CSMD1: variants seen among roughly 807,000 people sequenced by gnomAD.
The protein encoded by CSMD1 is CUB and Sushi multiple domains 1.
Under a neutral mutation model 417.5 loss-of-function variants are expected in CSMD1, and 213 were observed. The ratio of observed to expected loss-of-function variants is 0.51; its 90% CI spans 0.46 to 0.57. The LOEUF is 0.57. Among genes scored for constraint, CSMD1 ranks in the 20% least tolerant of loss-of-function variants. The pLI, the probability that CSMD1 is intolerant of heterozygous loss-of-function variation, is 0.00. For missense variants in CSMD1, 6,923 were observed against 4,529.7 expected (o/e 1.53, Z -15.17); for synonymous variants, 2,862 against 1,736.8 (o/e 1.65, Z -16.11).
At chr8:3,134,865 T>C (rs1817989948) in intron 41 of CSMD1, among the ~76,000 whole-genome samples, 1 of 152,218 alleles carries the variant, frequency 6.6e-6, no homozygotes, top group Non-Finnish European at 1.5e-5. Context: ...GGAATTTATG[T>C]GGAAATCAGG....
At chr8:4,127,858 A>G (rs1181249939) in intron 3 of CSMD1, among the ~76,000 whole-genome samples, 2 of 152,170 alleles carry the variant, frequency 1.3e-5, no homozygotes, top group Non-Finnish European at 2.9e-5. Flanking sequence ...TTGCAGATGA[A>G]GAAACCCAGA....
chr8:3,263,699 A>G (rs1161066598), intron 26 of CSMD1, among the ~76,000 whole-genome samples: 1 of 152,228 alleles, frequency 6.6e-6, no homozygotes, highest in Admixed American at 6.5e-5. Context: ...TACTGTTCAC[A>G]ATAGTATTTG....
intron 6 of CSMD1, among the ~76,000 whole-genome samples, chr8:3,747,452 T>C (rs1375420816): frequency 6.6e-6 from 1 of 152,130 alleles, no homozygotes; most frequent in Non-Finnish European, 1.5e-5. Flanking sequence ...TGCGAACACA[T>C]AGCTTTGCAA....
At chr8:4,617,597 C>A (rs1471168752) in intron 2 of CSMD1, among the ~76,000 whole-genome samples, 14 of 152,224 alleles carry the variant, frequency 9.2e-5, no homozygotes, top group Admixed American at 3.3e-4. Context: ...ATTTTAGAAG[C>A]ACCTGGTTAT....
chr8:3,118,375 C>A (rs770994127), intron 42 of CSMD1, 24 bp downstream of exon 42: 2 of 1,559,726 alleles, frequency 1.3e-6, no homozygotes, highest in South Asian at 1.1e-5. Flanking sequence ...ATTAAATCGC[C>A]CCCATGCAAA....
chr8:3,955,022 T>C (rs1290640468), intron 5 of CSMD1, among the ~76,000 whole-genome samples: 2 of 152,206 alleles, frequency 1.3e-5, no homozygotes, highest in Non-Finnish European at 2.9e-5. Context: ...GCCTCTCCTT[T>C]GCACTGCTAA....
At chr8:3,774,623 C>T (rs1247597680) in intron 5 of CSMD1, among the ~76,000 whole-genome samples, 1 of 152,168 alleles carries the variant, frequency 6.6e-6, no homozygotes, top group Non-Finnish European at 1.5e-5. Flanking sequence ...TTCAAATTCT[C>T]ACTATCTTTG....
chr8:3,509,792 G>A (rs1796987583), intron 10 of CSMD1, among the ~76,000 whole-genome samples: 1 of 152,114 alleles, frequency 6.6e-6, no homozygotes, highest in African/African-American at 2.4e-5. Flanking sequence ...CTGTCCTGGA[G>A]CACACGTCTG....
At chr8:4,260,787 A>G (rs1803826329) in intron 3 of CSMD1, among the ~76,000 whole-genome samples, 1 of 152,196 alleles carries the variant, frequency 6.6e-6, no homozygotes, top group Non-Finnish European at 1.5e-5. Context: ...CAACTTGAGC[A>G]CTGTCACCTC....
chr8:4,942,272 T>G (rs1468734085), intron 1 of CSMD1, among the ~76,000 whole-genome samples: 3 of 152,182 alleles, frequency 2.0e-5, no homozygotes, highest in Non-Finnish European at 2.9e-5. Flanking sequence ...CTCTTCCATC[T>G]TGATAAAACT....
chr8:3,027,247 T>C (rs1215254860), intron 51 of CSMD1, among the ~76,000 whole-genome samples: 1 of 152,192 alleles, frequency 6.6e-6, no homozygotes, highest in African/African-American at 2.4e-5. Flanking sequence ...ATATACTCCA[T>C]GTCAGCTTTC....
At chr8:3,428,011 T>C (rs2406297) in intron 12 of CSMD1, among the ~76,000 whole-genome samples, 13,405 of 152,272 alleles carry the variant, frequency 0.088, 776 homozygotes, top group East Asian at 0.27. Flanking sequence ...ATGAAGAACA[T>C]AGTAACTTTG....
chr8:3,165,276 G>C (rs938428270), intron 37 of CSMD1, among the ~76,000 whole-genome samples: 5 of 152,072 alleles, frequency 3.3e-5, no homozygotes, highest in African/African-American at 1.2e-4. Context: ...ATTAAAAGGA[G>C]TGACAAAGTG....
chr8:4,765,739 T>C (rs1237926393), intron 1 of CSMD1, among the ~76,000 whole-genome samples: 1 of 152,158 alleles, frequency 6.6e-6, no homozygotes. Flanking sequence ...GGAGGAATTT[T>C]AGTTGGGGTT....
At chr8:3,534,340 C>G (rs921341395) in intron 10 of CSMD1, among the ~76,000 whole-genome samples, 1 of 152,050 alleles carries the variant, frequency 6.6e-6, no homozygotes, top group Non-Finnish European at 1.5e-5. Flanking sequence ...CTGTTTTCCA[C>G]ACTCCTCTCA....
At chr8:3,370,367 C>T (rs1470252685) in intron 18 of CSMD1, among the ~76,000 whole-genome samples, 2 of 152,194 alleles carry the variant, frequency 1.3e-5, no homozygotes, top group East Asian at 1.9e-4. Context: ...TGCAAACAAA[C>T]AGCCATGTGC....
intron 4 of CSMD1, among the ~76,000 whole-genome samples, chr8:4,007,051 G>A (rs1173190617): frequency 4.6e-5 from 7 of 151,904 alleles, no homozygotes; most frequent in African/African-American, 1.7e-4. Flanking sequence ...TGTTAGCCAG[G>A]ATGGTCTCGA....
rs546853823 is a variant in CSMD1, at chr8:3,881,617, A to C, written c.818+116286T>G. 8.0e-4 allele frequency among the ~76,000 whole-genome samples: 116 copies of C among 144,322 alleles called. 1 individual carries two copies. Among genetic ancestry groups the C allele is most frequent in the Middle Eastern group, 3.5e-3 (1 of 288 alleles). 94.7% of individuals were successfully genotyped at this position (144,322 alleles called of 152,430 possible). On this transcript the variant is annotated intron_variant, in intron 5 of 69. Coordinates refer to ENST00000635120, the MANE Select transcript of CSMD1 (RefSeq NM_033225.6). ...GAGCAAGACTCCATCTCAAAAAAAA[A>C]AAAAACAAAAACAAAAACAAACAAA... is the stretch of plus-strand genomic sequence containing the variant.
chr8:3,638,490 G>T (rs934995488), intron 7 of CSMD1, among the ~76,000 whole-genome samples: 1 of 152,018 alleles, frequency 6.6e-6, no homozygotes, highest in Non-Finnish European at 1.5e-5. Flanking sequence ...GAGACGTGAT[G>T]ATAATGATGA....
Sources: allele counts gnomAD v4.1 joint callset (sites outside exome capture counted in the v4.1 genomes callset), GRCh38; gene constraint gnomAD v4.1.1; transcripts MANE v1.5; gene names NCBI Gene and HGNC (gene_info 2026-07-23, HGNC 2026-07-21).